The following MYH6 variants were observed in gnomAD, a reference collection of about 807,000 sequenced individuals.
The protein encoded by MYH6 is myosin-6.
Under a neutral mutation model 223.2 loss-of-function variants are expected in MYH6, and 126 were observed. The observed-to-expected ratio is 0.56, with a 90% CI of 0.49 to 0.65. The LOEUF (loss-of-function observed/expected upper bound fraction) is 0.65, where lower values mean the gene tolerates loss of function less well. MYH6 is among the 30% of genes least tolerant of loss of function. The pLI, the probability that MYH6 is intolerant of heterozygous loss-of-function variation, is 0.00. For missense variants in MYH6, 2,040 were observed against 2,536.4 expected (o/e 0.80, Z 4.20); for synonymous variants, 978 against 1,010.2 (o/e 0.97, Z 0.61).
chr14:23,382,637 T>A (rs1890894779), intron 37 of MYH6, 75 bp from the exon 38 acceptor site: 2 of 1,610,866 alleles, frequency 1.2e-6, no homozygotes, highest in South Asian at 2.2e-5. Context: ...AACCTGAGGT[T>A]CCAGCTCCCT....
Position 23,405,265 on chromosome 14 carries a change from T to C in MYH6, c.460A>G (p.Ile154Val). ...TAGGCGTTGTCGGAGATGGAGAAGA[T>C]GTGGGGCGGGGCCTCACTCCTCTTC... is the stretch of plus-strand genomic sequence containing the variant. Reference protein sequence around the residue: ...GKKRSEAPPHIFSISDNAYQY... With the variant: ...GKKRSEAPPHVFSISDNAYQY... Residue 154 changes from isoleucine (I) to valine (V), a missense_variant, in exon 5 of 39, where the codon ATC becomes GTC. Ile to Val is a conservative substitution (Grantham distance 29). Coordinates refer to ENST00000405093, the MANE Select transcript of MYH6 (RefSeq NM_002471.4). This position sits in a 1 kb window ranked among gnomAD's most constrained non-coding sequence, Gnocchi z 4.7. 1.9e-6 allele frequency: 3 copies of C among 1,614,150 alleles called. No homozygotes were observed. The highest frequency in any genetic ancestry group is 2.5e-6 in the Non-Finnish European group (3 of 1,180,018).
rs762503839 is a variant in MYH6, at chr14:23,388,962, C to T, written c.4072G>A (p.Glu1358Lys). The T allele has an allele frequency of 1.1e-5, 17 of 1,613,554 alleles. No homozygotes were observed. Among genetic ancestry groups the T allele is most frequent in the East Asian group, 2.2e-5 (1 of 44,832 alleles). Residue 1358 changes from glutamate (E) to lysine (K), a missense_variant, in exon 29 of 39, where the codon GAG becomes AAG. By Grantham distance (56) the Glu-to-Lys change is moderately conservative (BLOSUM62 1). This residue lies in a region of MYH6 where 1,203 missense variants were observed against 1,400.2 expected (regional missense o/e 0.86). Coordinates refer to ENST00000405093, the MANE Select transcript of MYH6 (RefSeq NM_002471.4). ...GCCTTGGACAGGACGCGCTGCAGCT[C>T]GGCCTTGGCCTCTGTCTCCTCCTCG... The part of the protein sequence containing the change: ...QYEEETEAKA[E>K]LQRVLSKANS...
At chr14:23,403,845 T>C in intron 8 of MYH6, 67 bp from the exon 9 acceptor site, 1 of 1,388,156 alleles carries the variant, frequency 7.2e-7, no homozygotes, top group Non-Finnish European at 1.0e-6. Flanking sequence ...GGCCCTCTGT[T>C]CAGCCCAGAA....
In MYH6 at chr14:23,392,549, GA is replaced by G. The variant is rs1891263515; in HGVS notation, c.3342+12del. 7.6e-6 allele frequency: 12 copies of G among 1,582,918 alleles called. No homozygotes were observed. Among genetic ancestry groups the G allele is most frequent in the Admixed American group, 1.7e-5 (1 of 58,942 alleles). ...TTGAGCTCCCACTTTCATGCACTGG[GA>G]AAAAAAGTCACCTGGTTTTCCTTCA... On this transcript the variant is annotated intron_variant, in intron 25 of 38. Coordinates refer to ENST00000405093, the MANE Select transcript of MYH6 (RefSeq NM_002471.4).
rs549773207 is a variant in MYH6 at position 23,387,603 on chromosome 14, G to A, written c.4576C>T (p.His1526Tyr). 1 of 1,614,108 alleles carries A rather than the reference G, an allele frequency of 6.2e-7. No homozygotes were observed. ...EQLGEGGKNVHELEKVRKQLE... is the reference protein window; with the variant it reads ...EQLGEGGKNVYELEKVRKQLE... The stretch of plus-strand genomic sequence containing the variant: ...TGTTTGCGGACCTTCTCCAGCTCAT[G>A]CACATTCTTTCCTCCTTCTCCTAGC... Residue 1526 changes from histidine (H) to tyrosine (Y), a missense_variant, in exon 32 of 39, where the codon CAT becomes TAT. His to Tyr is a moderately conservative substitution (Grantham distance 83, BLOSUM62 2). Transcript: ENST00000405093.
At position 23,405,314 on chromosome 14, in the gene MYH6, C is replaced by A; in HGVS notation, c.411G>T (p.Glu137Asp). Residue 137 changes from glutamate to aspartate, a missense_variant, in exon 5 of 39, where the codon GAG (glutamate) becomes GAT (aspartate). By Grantham distance (45) the Glu-to-Asp change is conservative. Coordinates refer to ENST00000405093, the MANE Select transcript of MYH6 (RefSeq NM_002471.4). This position sits in a 1 kb window ranked among gnomAD's most constrained non-coding sequence, Gnocchi z 4.7. ...PYKWLPVYNA[E>D]VVAAYRGKKR... ...TCTTGCCCCGGTAGGCGGCCACCACCTCGGCATTGTACACCGGCAGCCACT... is the reference window on the plus strand; with the variant it reads ...TCTTGCCCCGGTAGGCGGCCACCACATCGGCATTGTACACCGGCAGCCACT... 1 of 1,614,024 alleles carries A rather than the reference C, an allele frequency of 6.2e-7. No individual in the cohort carries two copies. The highest frequency in any genetic ancestry group is 8.5e-7 in the Non-Finnish European group (1 of 1,179,968).
In MYH6 at chr14:23,405,311, C is replaced by G. The variant is rs773148892; in HGVS notation, c.414G>C (p.Val138=). 6.2e-7 allele frequency: 1 copy of G among 1,614,052 alleles called. No homozygotes were observed. Among genetic ancestry groups the G allele is most frequent in the African/African-American group, 1.3e-5 (1 of 74,926 alleles). The change falls in exon 5 of 39, where the codon GTG becomes GTC. Residue 138 remains valine, a synonymous_variant. Coordinates refer to ENST00000405093, the MANE Select transcript of MYH6 (RefSeq NM_002471.4). This position sits in a 1 kb window ranked among gnomAD's most constrained non-coding sequence, Gnocchi z 4.7. ...TCTTCTTGCCCCGGTAGGCGGCCAC[C>G]ACCTCGGCATTGTACACCGGCAGCC... is the stretch of plus-strand genomic sequence containing the variant. ...YKWLPVYNAE[V]VAAYRGKKRS...
At chr14:23,391,980 G>T (rs76034094) in intron 25 of MYH6, among the ~76,000 whole-genome samples, 1 of 152,242 alleles carries the variant, frequency 6.6e-6, no homozygotes, top group African/African-American at 2.4e-5. Context: ...TGACAAAATG[G>T]TTTCAAATAC....
rs552029922 is a variant in MYH6 at position 23,406,619 on chromosome 14, T to C, written c.201+404A>G. Among the ~76,000 whole-genome samples, 3 of 152,290 alleles carry C rather than the reference T, an allele frequency of 2.0e-5. No homozygotes were observed. In the East Asian group the frequency reaches 5.8e-4, roughly 29 times the overall value. On this transcript the variant is annotated intron_variant, in intron 3 of 38. Transcript: ENST00000405093. Reference sequence around the variant, plus strand: ...TTTCTGATCTTTGTGTTCATCTGGGTCTAAGAATTACTCTTGATTTGGGTG... The same window carrying C: ...TTTCTGATCTTTGTGTTCATCTGGGCCTAAGAATTACTCTTGATTTGGGTG...
intron 37 of MYH6, 86 bp from the exon 38 acceptor site, chr14:23,382,648 G>T (rs1310187973): frequency 1.2e-6 from 2 of 1,600,452 alleles, no homozygotes; most frequent in Admixed American, 3.3e-5. Flanking sequence ...CCAGCTCCCT[G>T]TCCCTGAGGC....
In MYH6 at chr14:23,382,571, G is replaced by T; in HGVS notation, c.5662-9C>A. On this transcript the variant is annotated splice_polypyrimidine_tract_variant and intron_variant, in intron 37 of 38. Coordinates refer to ENST00000405093, the MANE Select transcript of MYH6 (RefSeq NM_002471.4). ...GTGTTGGCTTGCTCCTCCTGTGGTG[G>T]GACAGTGGGGATGGGTGAATGAGCT... 5.0e-6 allele frequency: 8 copies of T among 1,614,168 alleles called. No individual in the cohort carries two copies. Among genetic ancestry groups the T allele is most frequent in the Non-Finnish European group, 6.8e-6 (8 of 1,180,026 alleles).
At chr14:23,402,623 AAG>A (rs1891638935) in intron 11 of MYH6, 21 bp from the exon 12 acceptor site, 3 of 1,613,536 alleles carry the variant, frequency 1.9e-6, no homozygotes, top group South Asian at 1.1e-5. Context: ...GCGAGAGACA[AAG>A]AGGGGGGTTG....
Position 23,404,721 on chromosome 14 carries a change from T to C in MYH6, c.632A>G (p.Asn211Ser), listed in dbSNP as rs749643853. ...IGDRGKKDNANANKGTLEDQI... is the reference protein window; with the variant it reads ...IGDRGKKDNASANKGTLEDQI... ...TGTCCCCCATGGCACCTTGTTCGCATTGGCATTGTCCTTCTTGCCACGGTC... is the reference window on the plus strand; with the variant it reads ...TGTCCCCCATGGCACCTTGTTCGCACTGGCATTGTCCTTCTTGCCACGGTC... Residue 211 changes from asparagine to serine, a missense_variant, in exon 7 of 39, where the codon AAT becomes AGT. Around this residue, in one of 4 missense-constraint regions of MYH6, gnomAD observed 649 missense variants for 877.3 expected, o/e 0.74. Transcript: ENST00000405093. The C allele has an allele frequency of 1.3e-5, 21 of 1,613,956 alleles. No individual in the cohort carries two copies. Among genetic ancestry groups the C allele is most frequent in the Non-Finnish European group, 1.8e-5 (21 of 1,179,954 alleles).
intron 32 of MYH6, 149 bp from the exon 33 acceptor site, chr14:23,386,772 A>C: frequency 1.0e-6 from 1 of 987,956 alleles, no homozygotes; most frequent in Non-Finnish European, 1.5e-6. Flanking sequence ...CCCCATGCCC[A>C]CCACGGTGCT....
rs762819490 is a variant in MYH6 at position 23,397,076 on chromosome 14, C to T, written c.2055G>A (p.Val685=). 6.2e-7 allele frequency: 1 copy of T among 1,614,218 alleles called. No individual in the cohort carries two copies. The highest frequency in any genetic ancestry group is 8.5e-7 in the Non-Finnish European group (1 of 1,180,038). ...IIPNERKAPG[V]MDNPLVMHQL... is the part of the protein sequence containing the mutation. Reference sequence around the variant, plus strand: ...GGTGCATGACCAGGGGGTTGTCCATCACCCCTGTGTCAGGAGGGAAGGGGA... The same window carrying T: ...GGTGCATGACCAGGGGGTTGTCCATTACCCCTGTGTCAGGAGGGAAGGGGA... Residue 685 remains valine, a synonymous_variant, in exon 18 of 39, where the codon GTG becomes GTA. Transcript: ENST00000405093.
intron 20 of MYH6, among the ~76,000 whole-genome samples, chr14:23,395,326 T>G (rs1468216966): frequency 2.0e-5 from 3 of 152,266 alleles, no homozygotes; most frequent in African/African-American, 7.2e-5. Context: ...AGTTCACATC[T>G]TTTCACTGTT....
Position 23,382,066 on chromosome 14 carries a change from G to T in MYH6, c.5797-3C>A. The T allele has an allele frequency of 6.2e-7, 1 of 1,613,974 alleles. No individual in the cohort carries two copies. The highest frequency in any genetic ancestry group is 8.5e-7 in the Non-Finnish European group (1 of 1,179,860). On this transcript the variant is annotated splice_polypyrimidine_tract_variant and splice_region_variant and intron_variant, in intron 38 of 38. Coordinates refer to ENST00000405093, the MANE Select transcript of MYH6 (RefSeq NM_002471.4). ...CACTCCTCATCGTGCATTTTTTGCTGCAAAAAGAATAAGAGGTGTGAGGGG... is the reference window on the plus strand; with the variant it reads ...CACTCCTCATCGTGCATTTTTTGCTTCAAAAAGAATAAGAGGTGTGAGGGG...
intron 30 of MYH6, 93 bp from the exon 31 acceptor site, chr14:23,388,016 T>C: frequency 1.2e-6 from 2 of 1,605,692 alleles, no homozygotes; most frequent in South Asian, 1.1e-5. Context: ...CTCAGCCGCA[T>C]GTCCAAGATC....
rs1415512579 is a variant in MYH6 at position 23,387,389 on chromosome 14, TG to T, written c.4650+139del. 3.7e-6 allele frequency: 5 copies of T among 1,368,844 alleles called. No individual in the cohort carries two copies. In the African/African-American group the frequency reaches 7.1e-5, roughly 19 times the overall value. The allele number at this position is 1,368,844 out of a possible 1,614,324, so 84.8% of individuals were successfully genotyped here. A position where few individuals can be genotyped will look rare whatever the true frequency, so the allele number is the denominator to read the frequency against. ...TGGCTTTGGAGGCAGTCATGGGTAG[TG>T]AATAGTGGGTAGATAATGTTGAACA... On this transcript the variant is annotated intron_variant, in intron 32 of 38. Transcript: ENST00000405093.
Sources: allele counts gnomAD v4.1 joint callset (sites outside exome capture counted in the v4.1 genomes callset), GRCh38; gene constraint gnomAD v4.1.1; regional missense constraint gnomAD v4.1.1; non-coding constraint Gnocchi (gnomAD v3.1); transcripts MANE v1.5; gene names NCBI Gene and HGNC (gene_info 2026-07-23, HGNC 2026-07-21).